TENM1: variants seen among roughly 807,000 people sequenced by gnomAD.
TENM1 encodes the protein teneurin transmembrane protein 1.
In TENM1, 35 loss-of-function variants were observed where a neutral mutation model predicts 174.8. That is an observed-to-expected ratio of 0.20 (90% CI 0.15 to 0.27). The LOEUF (loss-of-function observed/expected upper bound fraction) is 0.27, where lower values mean the gene tolerates loss of function less well. Ranked by LOEUF, TENM1 falls within the 10% of genes least tolerant of loss-of-function variation. The probability of loss-of-function intolerance (pLI) is 1.00; values close to 1 mark genes in which losing one functional copy is unlikely to be tolerated. For synonymous variants in TENM1, 781 were observed against 798.7 expected (o/e 0.98, Z 0.37); for missense variants, 1,633 against 2,130.1 (o/e 0.77, Z 4.59).
chrX:124,520,581 G>A (rs1569536033), exon 18 of TENM1: 1 of 1,211,208 alleles, frequency 8.3e-7, no homozygotes, highest in Non-Finnish European at 1.1e-6. Context: ...AAGCAAATGT[G>A]TAGACAAGAT....
intron 1 of TENM1, among the ~76,000 whole-genome samples, chrX:124,926,831 A>G (rs2058098773): frequency 8.9e-6 from 1 of 112,160 alleles, no homozygotes; most frequent in Non-Finnish European, 1.9e-5. Context: ...TGTCAAAATT[A>G]TGCAATGTTC....
At chrX:124,782,113 G>C (rs779478144) in intron 3 of TENM1, among the ~76,000 whole-genome samples, 4 of 111,422 alleles carry the variant, frequency 3.6e-5, no homozygotes, top group Non-Finnish European at 1.9e-5. Context: ...ATGTGTTAAA[G>C]ACAGTGGCGC....
intron 1 of TENM1, among the ~76,000 whole-genome samples, chrX:124,902,762 TCAAAA>T (rs1441062696): frequency 1.8e-5 from 2 of 112,565 alleles, no homozygotes; most frequent in African/African-American, 3.2e-5. Context: ...AGTAAAGAAA[TCAAAA>T]CAAAATAGTC....
intron 3 of TENM1, among the ~76,000 whole-genome samples, chrX:124,818,190 G>A (rs1048493457): frequency 6.3e-5 from 7 of 111,710 alleles, no homozygotes; most frequent in Non-Finnish European, 1.3e-4. Flanking sequence ...CTCTTTCACA[G>A]ATTTGTACTG....
At chrX:125,108,542 G>A in the TENM1 span, among the ~76,000 whole-genome samples, 28 of 110,129 alleles carry the variant, frequency 2.5e-4, no homozygotes, top group Admixed American at 2.5e-3. Flanking sequence ...CCAACATGGT[G>A]AAACCCCGTC....
chrX:124,384,905 G>A, intron 29 of TENM1, 51 bp from the exon 33 acceptor site: 1 of 1,099,527 alleles, frequency 9.1e-7, no homozygotes, highest in Non-Finnish European at 1.2e-6. Flanking sequence ...CAATGTGGAA[G>A]AGTCAGAAAG....
chrX:125,014,133 G>A, the TENM1 span, among the ~76,000 whole-genome samples: 1 of 111,937 alleles, frequency 8.9e-6, no homozygotes, highest in Admixed American at 9.5e-5. Context: ...CTAAAAACAA[G>A]CTAAGATTTA....
At chrX:124,761,420 A>G (rs907069531) in intron 3 of TENM1, among the ~76,000 whole-genome samples, 4 of 108,385 alleles carry the variant, frequency 3.7e-5, no homozygotes, top group African/African-American at 1.3e-4. Flanking sequence ...GGAAACCATC[A>G]TTCTCAGCAA....
the TENM1 span, among the ~76,000 whole-genome samples, chrX:124,999,754 C>T: frequency 6.3e-5 from 7 of 110,737 alleles, no homozygotes; most frequent in East Asian, 1.4e-3. Flanking sequence ...ATGTCTTGCT[C>T]TACAAAGGCA....
intron 3 of TENM1, among the ~76,000 whole-genome samples, chrX:124,740,695 T>C (rs2053779546): frequency 9.0e-6 from 1 of 111,691 alleles, no homozygotes; most frequent in Non-Finnish European, 1.9e-5. Flanking sequence ...AGATTCATTC[T>C]TTTTTTCACC....
intron 22 of TENM1, among the ~76,000 whole-genome samples, chrX:124,480,277 A>C (rs945435431): frequency 8.9e-6 from 1 of 112,047 alleles, no homozygotes; most frequent in Admixed American, 9.4e-5. Context: ...AGACACTGTT[A>C]AATAAATTCA....
At chrX:124,695,600 C>G (rs1455772899) in intron 5 of TENM1, among the ~76,000 whole-genome samples, 1 of 111,180 alleles carries the variant, frequency 9.0e-6, no homozygotes, top group Non-Finnish European at 1.9e-5. Context: ...TCTTTCCTAC[C>G]TACTCAAATC....
At chrX:124,956,157 A>G (rs1370808614) in intron 1 of TENM1, among the ~76,000 whole-genome samples, 1 of 111,936 alleles carries the variant, frequency 8.9e-6, no homozygotes, top group Non-Finnish European at 1.9e-5. Context: ...AATACACGGC[A>G]TGGTTCTAGC....
chrX:124,730,595 A>G (rs1285724574), intron 4 of TENM1, among the ~76,000 whole-genome samples: 1 of 111,888 alleles, frequency 8.9e-6, no homozygotes, highest in African/African-American at 3.3e-5. Flanking sequence ...ACAGATCACA[A>G]AAGCGTCGTA....
At chrX:124,885,132 A>C (rs752262593) in intron 3 of TENM1, among the ~76,000 whole-genome samples, 1 of 111,434 alleles carries the variant, frequency 9.0e-6, no homozygotes, top group Admixed American at 9.6e-5. Flanking sequence ...TCATTGACCA[A>C]AACACTCTTA....
In TENM1 at chrX:124,529,795, C is replaced by A; in HGVS notation, c.2771+69G>T. Reference sequence around the variant, plus strand: ...GTTTACCATCACTGTATCATCTGAGCCCTGGTTTTACCCCTGGCTAGAAGT... The same window carrying A: ...GTTTACCATCACTGTATCATCTGAGACCTGGTTTTACCCCTGGCTAGAAGT... On this transcript the variant is annotated intron_variant, in intron 16 of 31. Coordinates refer to ENST00000422452, the Ensembl canonical transcript of TENM1. 4 of 1,186,414 alleles carry A rather than the reference C, an allele frequency of 3.4e-6. No homozygotes were observed. The South Asian group carries it at 7.2e-5, about 21-fold the overall frequency.
At chrX:124,733,683 C>T (rs2053611168) in intron 4 of TENM1, among the ~76,000 whole-genome samples, 2 of 111,972 alleles carry the variant, frequency 1.8e-5, no homozygotes, top group African/African-American at 6.5e-5. Context: ...AAAAAATCAT[C>T]ATTGTGATGC....
chrX:124,572,745 C>G (rs188648110), intron 11 of TENM1, among the ~76,000 whole-genome samples: 6 of 110,882 alleles, frequency 5.4e-5, no homozygotes, highest in Admixed American at 3.8e-4. Context: ...CAAATTAGAA[C>G]ACGTACTTTT....
intron 3 of TENM1, among the ~76,000 whole-genome samples, chrX:124,866,533 C>T (rs1464779378): frequency 9.0e-6 from 1 of 111,064 alleles, no homozygotes; most frequent in East Asian, 2.8e-4. Flanking sequence ...AGGTTTATAG[C>T]TATAATGCCT....
Sources: allele counts gnomAD v4.1 joint callset (sites outside exome capture counted in the v4.1 genomes callset), GRCh38; gene constraint gnomAD v4.1.1; transcripts MANE v1.5; gene names NCBI Gene and HGNC (gene_info 2026-07-23, HGNC 2026-07-21).